HEXB: variants seen among roughly 807,000 people sequenced by gnomAD.
HEXB encodes the protein beta-hexosaminidase subunit beta.
HEXB carries 51 observed loss-of-function variants against 71.2 expected under a neutral mutation model. The observed-to-expected ratio is 0.72, with a 90% CI of 0.57 to 0.90. The LOEUF (loss-of-function observed/expected upper bound fraction) is 0.90, where lower values mean the gene tolerates loss of function less well. Among genes scored for constraint, HEXB ranks in the 40% least tolerant of loss-of-function variants. The pLI, the probability that HEXB is intolerant of heterozygous loss-of-function variation, is 0.00. For missense variants in HEXB, 617 were observed against 677.0 expected, an observed-to-expected ratio of 0.91 and a Z score of 0.98; for synonymous variants, 266 against 249.3, an observed-to-expected ratio of 1.07 and a Z score of -0.63.
At chr5:74,676,434 C>A (rs555670794) in intron 1 of HEXB, among the ~76,000 whole-genome samples, 1 of 152,268 alleles carries the variant, frequency 6.6e-6, no homozygotes, top group South Asian at 2.1e-4. Context: ...AGTGCTGGGA[C>A]TTTAGGCATG....
intron 6 of HEXB, among the ~76,000 whole-genome samples, chr5:74,711,628 T>G (rs1212102091): frequency 6.6e-6 from 1 of 151,904 alleles, no homozygotes; most frequent in Non-Finnish European, 1.5e-5. Context: ...GTGAAGGACA[T>G]GAACAGACAC....
chr5:74,660,082 T>G (rs1239210243), intron 1 of HEXB, among the ~76,000 whole-genome samples: 2 of 151,618 alleles, frequency 1.3e-5, no homozygotes, highest in Non-Finnish European at 2.9e-5. Flanking sequence ...AAAAAATAAA[T>G]GAATAAATAA....
intron 1 of HEXB, among the ~76,000 whole-genome samples, chr5:74,645,686 A>G (rs902174930): frequency 1.7e-4 from 26 of 152,176 alleles, no homozygotes; most frequent in African/African-American, 6.3e-4. Context: ...ATTACTCTAT[A>G]AAGTTAGGTC....
At chr5:74,664,430 TA>T (rs397998152) in intron 1 of HEXB, among the ~76,000 whole-genome samples, 203 of 79,662 alleles carry the variant, frequency 2.5e-3, no homozygotes, top group African/African-American at 7.5e-3. Context: ...ATTCTATCTC[TA>T]AAAAAAAAAA....
At position 74,655,711 on chromosome 5, in the gene HEXB, A is replaced by G. The variant is rs115229358; in HGVS notation, c.-377+15153A>G. On this transcript the variant is annotated intron_variant, in intron 1 of 13. Coordinates refer to the HEXB transcript ENST00000511181. The stretch of plus-strand genomic sequence containing the variant: ...TGAGCATGTTACTCTCCAAATTGCT[A>G]ATTAAAAGAAATCAGTTAAAATAAT... 4.3e-3 allele frequency among the ~76,000 whole-genome samples: 655 copies of G among 152,310 alleles called. 2 individuals carry two copies. Among genetic ancestry groups the G allele is most frequent in the African/African-American group, 0.015 (634 of 41,572 alleles).
At chr5:74,663,037 G>A (rs1246159332) in intron 1 of HEXB, among the ~76,000 whole-genome samples, 1 of 152,150 alleles carries the variant, frequency 6.6e-6, no homozygotes, top group African/African-American at 2.4e-5. Flanking sequence ...AACAAAATAA[G>A]TACTTTTTAA....
intron 1 of HEXB, among the ~76,000 whole-genome samples, chr5:74,649,911 G>C (rs1424091458): frequency 1.3e-5 from 2 of 152,198 alleles, no homozygotes; most frequent in African/African-American, 2.4e-5. Flanking sequence ...ATGAAGCACT[G>C]TTTCCCCAAC....
intron 1 of HEXB, among the ~76,000 whole-genome samples, chr5:74,654,593 G>A (rs902755139): frequency 1.3e-5 from 2 of 152,164 alleles, no homozygotes; most frequent in Non-Finnish European, 2.9e-5. Context: ...GCAGATGAGG[G>A]AAGGCTTTCA....
intron 3 of HEXB, 89 bp downstream of exon 3, chr5:74,693,793 C>G: frequency 1.1e-6 from 1 of 889,776 alleles, no homozygotes; most frequent in Non-Finnish European, 1.9e-6. Flanking sequence ...AAAACTTTGC[C>G]GCCTTAGATC....
intron 1 of HEXB, among the ~76,000 whole-genome samples, chr5:74,674,493 G>A (rs1157152849): frequency 6.6e-6 from 1 of 151,720 alleles, no homozygotes; most frequent in African/African-American, 2.4e-5. Flanking sequence ...CGTCCCAGCT[G>A]CTCAGGAGGC....
At chr5:74,654,920 G>C (rs529467985) in intron 1 of HEXB, among the ~76,000 whole-genome samples, 4 of 152,152 alleles carry the variant, frequency 2.6e-5, no homozygotes, top group Non-Finnish European at 5.9e-5. Context: ...TGGGACAGCG[G>C]GGGAGTGGAG....
chr5:74,674,605 G>GAAAAAA (rs1199567534), intron 1 of HEXB, among the ~76,000 whole-genome samples: 2 of 94,880 alleles, frequency 2.1e-5, no homozygotes, highest in Non-Finnish European at 4.2e-5. Flanking sequence ...CTCTGTCTCA[G>GAAAAAA]AAAAAAAAAA....
rs576110931 is a variant in HEXB, at chr5:74,708,553, G to A, written c.771+3233G>A. ...GTTGGATTCAGGAAACCCATCTCAC[G>A]GGCAGAGACACACATAGGCTCGATA... On this transcript the variant is annotated intron_variant, in intron 6 of 13. Transcript: ENST00000261416. Among the ~76,000 whole-genome samples, 13 of 152,154 alleles carry A rather than the reference G, an allele frequency of 8.5e-5. No individual in the cohort carries two copies. The East Asian group carries it at 1.2e-3, about 14-fold the overall frequency.
At chr5:74,698,396 A>ATT (rs796360672) in intron 5 of HEXB, among the ~76,000 whole-genome samples, 3 of 135,782 alleles carry the variant, frequency 2.2e-5, no homozygotes, top group African/African-American at 1.0e-4. Context: ...TATTATTATT[A>ATT]TTTTTTTTTC....
At chr5:74,685,823 T>C (rs1748855041) in intron 1 of HEXB, among the ~76,000 whole-genome samples, 1 of 151,986 alleles carries the variant, frequency 6.6e-6, no homozygotes, top group Admixed American at 6.5e-5. Flanking sequence ...CTCTGAGGCC[T>C]TGTTGGGCAA....
At chr5:74,643,383 T>C (rs1747943208) in intron 1 of HEXB, among the ~76,000 whole-genome samples, 1 of 152,180 alleles carries the variant, frequency 6.6e-6, no homozygotes. Flanking sequence ...AGGGCTGTCA[T>C]CAAAACTGGA....
intron 1 of HEXB, among the ~76,000 whole-genome samples, chr5:74,678,434 T>G (rs575922157): frequency 6.6e-6 from 1 of 151,944 alleles, no homozygotes; most frequent in Admixed American, 6.6e-5. Flanking sequence ...TATACAGCTT[T>G]AAGAAAATTT....
intron 1 of HEXB, among the ~76,000 whole-genome samples, chr5:74,649,172 G>A (rs9942348): frequency 0.19 from 29,168 of 152,078 alleles, 4,144 homozygotes; most frequent in African/African-American, 0.4. Flanking sequence ...GGGTCCGGCC[G>A]GCCTGCAACA....
At chr5:74,693,549 C>T in intron 2 of HEXB, 90 bp from the exon 3 acceptor site, 1 of 929,674 alleles carries the variant, frequency 1.1e-6, no homozygotes, top group Non-Finnish European at 1.8e-6. Flanking sequence ...AATAATAGTC[C>T]AGAAATATCA....
Sources: allele counts gnomAD v4.1 joint callset (sites outside exome capture counted in the v4.1 genomes callset), GRCh38; gene constraint gnomAD v4.1.1; transcripts MANE v1.5; gene names NCBI Gene and HGNC (gene_info 2026-07-23, HGNC 2026-07-21).